Variants in CHODL observed in about 807,000 individuals in gnomAD.
CHODL encodes chondrolectin.
CHODL carries 29 observed loss-of-function variants against 34.5 expected under a neutral mutation model. The ratio of observed to expected loss-of-function variants is 0.84; its 90% confidence interval spans 0.63 to 1.15. The LOEUF (loss-of-function observed/expected upper bound fraction) is 1.15, where lower values mean the gene tolerates loss of function less well. Ranked by LOEUF, CHODL falls within the 50% of genes most tolerant of loss-of-function variation. CHODL has a pLI of 0.00. For missense variants in CHODL, 332 were observed against 332.5 expected, an observed-to-expected ratio of 1.00 and a Z score of 0.01; for synonymous variants, 125 against 116.1, an observed-to-expected ratio of 1.08 and a Z score of -0.49.
chr21:18,154,950 T>C (rs1210920780), intron 2 of CHODL, among the ~76,000 whole-genome samples: 3 of 152,112 alleles, frequency 2.0e-5, no homozygotes, highest in Non-Finnish European at 4.4e-5. Flanking sequence ...GGAATAATAA[T>C]AGTGGACAGG....
intron 2 of CHODL, among the ~76,000 whole-genome samples, chr21:18,052,307 G>A (rs929143817): frequency 1.3e-5 from 2 of 151,754 alleles, no homozygotes; most frequent in African/African-American, 4.8e-5. Flanking sequence ...TTTTTCCAAT[G>A]TCTTTATTTT....
chr21:18,218,042 A>C (rs947113142), intron 2 of CHODL, among the ~76,000 whole-genome samples: 2 of 152,198 alleles, frequency 1.3e-5, no homozygotes, highest in African/African-American at 4.8e-5. Context: ...ACAGGCTGGC[A>C]TTGAGTGTGG....
intron 1 of CHODL, among the ~76,000 whole-genome samples, chr21:17,931,170 G>A (rs2063269986): frequency 6.6e-6 from 1 of 152,192 alleles, no homozygotes. Flanking sequence ...CCTCATTGAA[G>A]TATTCATGGG....
At chr21:18,264,269 A>C (rs895527534) in intron 5 of CHODL, among the ~76,000 whole-genome samples, 2 of 152,104 alleles carry the variant, frequency 1.3e-5, no homozygotes, top group African/African-American at 4.8e-5. Flanking sequence ...AGTGCACAAC[A>C]CAGTGAACCG....
intron 2 of CHODL, among the ~76,000 whole-genome samples, chr21:18,155,777 G>A (rs2073026939): frequency 6.6e-6 from 1 of 152,180 alleles, no homozygotes; most frequent in African/African-American, 2.4e-5. Flanking sequence ...TTGAAAGGGA[G>A]GCTTTAGACA....
At chr21:17,969,714 A>G (rs932830508) in intron 1 of CHODL, among the ~76,000 whole-genome samples, 1 of 152,186 alleles carries the variant, frequency 6.6e-6, no homozygotes, top group Non-Finnish European at 1.5e-5. Context: ...ACAGTGTGGT[A>G]TTTTAAACAA....
intron 1 of CHODL, among the ~76,000 whole-genome samples, chr21:18,248,379 A>C (rs533219480): frequency 6.6e-6 from 1 of 151,592 alleles, no homozygotes; most frequent in Non-Finnish European, 1.5e-5. Flanking sequence ...ATGACAGTGC[A>C]GTTTTCAGAG....
chr21:18,024,801 T>C (rs1332605769), intron 1 of CHODL: 3 of 152,178 alleles, frequency 2.0e-5, no homozygotes. Flanking sequence ...ATTTGGCTAA[T>C]CCATAGAGGA....
chr21:18,167,939 C>A (rs2073178075), intron 2 of CHODL, among the ~76,000 whole-genome samples: 1 of 152,160 alleles, frequency 6.6e-6, no homozygotes, highest in Non-Finnish European at 1.5e-5. Flanking sequence ...TCTGGGCAGG[C>A]ACCATCTAAT....
chr21:18,070,000 T>TTCCCTTCCCC (rs2064778623), intron 2 of CHODL, among the ~76,000 whole-genome samples: 1 of 64,754 alleles, frequency 1.5e-5, no homozygotes, highest in Non-Finnish European at 3.9e-5. Context: ...TTCCCTTCCC[T>TTCCCTTCCCC]TCCCTTCCCT....
chr21:17,992,643 A>G (rs1338360090), intron 1 of CHODL, among the ~76,000 whole-genome samples: 1 of 135,018 alleles, frequency 7.4e-6, no homozygotes, highest in African/African-American at 2.9e-5. Flanking sequence ...AATGCTTCTG[A>G]TTTTTGAACA....
chr21:18,158,487 C>A (rs1049695543), intron 2 of CHODL, among the ~76,000 whole-genome samples: 2 of 152,130 alleles, frequency 1.3e-5, no homozygotes, highest in African/African-American at 4.8e-5. Context: ...TTTACATTTT[C>A]TATTCATTTT....
At chr21:18,122,724 T>G (rs2065495008) in intron 2 of CHODL, among the ~76,000 whole-genome samples, 1 of 152,202 alleles carries the variant, frequency 6.6e-6, no homozygotes, top group Non-Finnish European at 1.5e-5. Context: ...AAAGCACTAC[T>G]AAAGCTAATG....
At chr21:18,219,561 C>T (rs934498057) in intron 2 of CHODL, among the ~76,000 whole-genome samples, 1 of 152,094 alleles carries the variant, frequency 6.6e-6, no homozygotes, top group Non-Finnish European at 1.5e-5. Flanking sequence ...TATGAGAGTT[C>T]CCCTTTCTCC....
intron 1 of CHODL, among the ~76,000 whole-genome samples, chr21:17,965,423 GCTTCCTTCATTC>G (rs1250475973): frequency 6.6e-6 from 1 of 151,606 alleles, no homozygotes; most frequent in East Asian, 1.9e-4. Context: ...CTTTTCCTTT[GCTTCCTTCATTC>G]CTTCCATCCT....
At chr21:18,079,720 AG>A (rs2064914173) in intron 2 of CHODL, among the ~76,000 whole-genome samples, 2 of 151,888 alleles carry the variant, frequency 1.3e-5, no homozygotes, top group South Asian at 4.1e-4. Flanking sequence ...AAACCATACA[AG>A]GGCAGGTATC....
chr21:18,000,874 T>G (rs189054336), intron 1 of CHODL, among the ~76,000 whole-genome samples: 86 of 152,352 alleles, frequency 5.6e-4, no homozygotes, highest in Non-Finnish European at 1.1e-3. Flanking sequence ...CTTTTTCTTT[T>G]TCTTTTTTTT....
intron 2 of CHODL, among the ~76,000 whole-genome samples, chr21:18,115,194 C>T (rs889138387): frequency 3.9e-5 from 6 of 152,124 alleles, no homozygotes; most frequent in East Asian, 3.9e-4. Flanking sequence ...TTGTGGGAAA[C>T]GCCAGTTGCT....
Position 17,923,214 on chromosome 21 carries a change from G to T in CHODL, c.-145+5814G>T, listed in dbSNP as rs954568491. On this transcript the variant is annotated intron_variant, in intron 1 of 6. Coordinates refer to the CHODL transcript ENST00000400127. ...TAGCTTAGTGATTTGGGGGCCTCAA[G>T]ATTTATTTTCCTTTCACAAGCTTTT... Among the ~76,000 whole-genome samples, 11 of 151,796 alleles carry T rather than the reference G, an allele frequency of 7.2e-5. No individual in the cohort carries two copies. The East Asian group carries it at 7.7e-4, about 11-fold the overall frequency.
Sources: allele counts gnomAD v4.1 joint callset (sites outside exome capture counted in the v4.1 genomes callset), GRCh38; gene constraint gnomAD v4.1.1; transcripts MANE v1.5; gene names NCBI Gene and HGNC (gene_info 2026-07-23, HGNC 2026-07-21).